IGFBP7: variants seen among roughly 807,000 people sequenced by gnomAD.
IGFBP7 encodes the protein insulin like growth factor binding protein 7.
Under a neutral mutation model 29.4 loss-of-function variants are expected in IGFBP7, and 31 were observed. That is an observed-to-expected ratio of 1.05 (90% CI 0.79 to 1.42). IGFBP7 has a LOEUF of 1.42. Among genes scored for constraint, IGFBP7 ranks in the 40% most tolerant of loss-of-function variants. IGFBP7 has a pLI of 0.00. For synonymous variants in IGFBP7, 172 were observed against 174.9 expected (o/e 0.98, Z 0.13); for missense variants, 393 against 395.5 (o/e 0.99, Z 0.05).
intron 1 of IGFBP7, among the ~76,000 whole-genome samples, chr4:57,093,620 AT>A (rs372177697): frequency 0.012 from 1,743 of 150,930 alleles, 47 homozygotes; most frequent in African/African-American, 0.039. Context: ...CACCTATTAA[AT>A]TTTTTTTTTA....
chr4:57,044,378 T>C (rs538805561), intron 1 of IGFBP7, among the ~76,000 whole-genome samples: 1 of 152,328 alleles, frequency 6.6e-6, no homozygotes, highest in Non-Finnish European at 1.5e-5. Flanking sequence ...ATTTATCAAG[T>C]TTTCTTTTCT....
intron 1 of IGFBP7, among the ~76,000 whole-genome samples, chr4:57,068,843 G>A (rs1404694443): frequency 1.3e-5 from 2 of 152,070 alleles, no homozygotes; most frequent in African/African-American, 2.4e-5. Context: ...ACTGATAGCT[G>A]GAGCATGCTT....
chr4:57,049,326 T>C (rs1454392308), intron 1 of IGFBP7, among the ~76,000 whole-genome samples: 2 of 152,192 alleles, frequency 1.3e-5, no homozygotes, highest in African/African-American at 4.8e-5. Flanking sequence ...TCCAATATCA[T>C]ATTGTACTAT....
intron 1 of IGFBP7, among the ~76,000 whole-genome samples, chr4:57,078,807 G>A (rs1725291784): frequency 6.6e-6 from 1 of 151,494 alleles, no homozygotes; most frequent in Non-Finnish European, 1.5e-5. Flanking sequence ...AGGCATTTCA[G>A]AAATGCACAT....
In IGFBP7 at chr4:57,032,420, G is replaced by A. The variant is rs1270740175; in HGVS notation, c.829+6C>T. 1 of 1,613,520 alleles carries A rather than the reference G, an allele frequency of 6.2e-7. No individual in the cohort carries two copies. On this transcript the variant is annotated splice_donor_region_variant and intron_variant, in intron 4 of 4. Coordinates refer to ENST00000295666, the MANE Select transcript of IGFBP7 (RefSeq NM_001553.3). ...TTTTTAAATGGCTGTGAGATTTATT[G>A]TGTACCTTTTTTCACTGGTATTTCA... is the stretch of plus-strand genomic sequence containing the variant.
chr4:57,047,211 G>A (rs1055368658), intron 1 of IGFBP7, among the ~76,000 whole-genome samples: 2 of 152,174 alleles, frequency 1.3e-5, no homozygotes, highest in Non-Finnish European at 2.9e-5. Flanking sequence ...TGCTGTTCTC[G>A]TAATAGCGAC....
chr4:57,096,435 A>G (rs1725766417), intron 1 of IGFBP7, among the ~76,000 whole-genome samples: 1 of 151,940 alleles, frequency 6.6e-6, no homozygotes, highest in East Asian at 1.9e-4. Flanking sequence ...CTGGGGCTGG[A>G]CATTAAGTCA....
At chr4:57,090,709 G>A (rs1017756696) in intron 1 of IGFBP7, among the ~76,000 whole-genome samples, 1 of 151,978 alleles carries the variant, frequency 6.6e-6, no homozygotes, top group Non-Finnish European at 1.5e-5. Flanking sequence ...ATAGCCAGGT[G>A]TGGTGGTGCA....
At chr4:57,105,252 CCCTT>C (rs1327125452) in intron 1 of IGFBP7, among the ~76,000 whole-genome samples, 3 of 152,216 alleles carry the variant, frequency 2.0e-5, no homozygotes, top group African/African-American at 7.2e-5. Context: ...CCGATGTACA[CCCTT>C]CACAGCATGT....
chr4:57,108,719 T>G (rs1455050724), intron 1 of IGFBP7, among the ~76,000 whole-genome samples: 1 of 151,930 alleles, frequency 6.6e-6, no homozygotes, highest in African/African-American at 2.4e-5. Flanking sequence ...TGTATATATA[T>G]ATATTTTTTA....
chr4:57,035,471 T>C (rs1724059910), intron 2 of IGFBP7, among the ~76,000 whole-genome samples: 1 of 152,198 alleles, frequency 6.6e-6, no homozygotes, highest in Admixed American at 6.5e-5. Context: ...TCTTTTTTTT[T>C]TGAGACAGAG....
rs967243537 is a variant in IGFBP7 at position 57,063,902 on chromosome 4, T to C, written c.476-22969A>G. On this transcript the variant is annotated intron_variant, in intron 1 of 4. Transcript: ENST00000295666. ...ACAGTAGCAATTTCATTTAAAAACTTAGATAAAACCCAGGAGATAAAAGAT... is the reference window on the plus strand; with the variant it reads ...ACAGTAGCAATTTCATTTAAAAACTCAGATAAAACCCAGGAGATAAAAGAT... 3.9e-5 allele frequency among the ~76,000 whole-genome samples: 6 copies of C among 152,200 alleles called. No homozygotes were observed. The South Asian group carries it at 1.2e-3, about 32-fold the overall frequency.
chr4:57,089,965 G>A (rs2109794163), intron 1 of IGFBP7, among the ~76,000 whole-genome samples: 1 of 152,326 alleles, frequency 6.6e-6, no homozygotes, highest in East Asian at 1.9e-4. Context: ...AAGGATGATA[G>A]AGCAGAAAGA....
At chr4:57,098,571 C>T (rs2109801853) in intron 1 of IGFBP7, among the ~76,000 whole-genome samples, 1 of 152,306 alleles carries the variant, frequency 6.6e-6, no homozygotes, top group South Asian at 2.1e-4. Context: ...TGATCTGAGA[C>T]ACAACAGAGC....
At chr4:57,107,364 T>A (rs1726059349) in intron 1 of IGFBP7, among the ~76,000 whole-genome samples, 1 of 152,222 alleles carries the variant, frequency 6.6e-6, no homozygotes, top group Middle Eastern at 3.2e-3. Flanking sequence ...CTTAAGTTTC[T>A]TCTGAGAATA....
chr4:57,037,179 G>A (rs577571932), intron 2 of IGFBP7, among the ~76,000 whole-genome samples: 6 of 152,290 alleles, frequency 3.9e-5, no homozygotes, highest in East Asian at 3.9e-4. Context: ...TCACTGATGG[G>A]TCATGGTCTG....
intron 1 of IGFBP7, among the ~76,000 whole-genome samples, chr4:57,042,186 A>G (rs1421929798): frequency 1.3e-5 from 2 of 152,114 alleles, no homozygotes; most frequent in Non-Finnish European, 2.9e-5. Context: ...TTCCCTACTC[A>G]GAGTCAACAC....
intron 1 of IGFBP7, among the ~76,000 whole-genome samples, chr4:57,102,585 G>A (rs889268052): frequency 2.7e-4 from 41 of 152,256 alleles, no homozygotes; most frequent in Non-Finnish European, 4.3e-4. Context: ...CTGAAGAACT[G>A]TATTAAGAGA....
At chr4:57,059,484 C>A (rs1724747095) in intron 1 of IGFBP7, among the ~76,000 whole-genome samples, 1 of 152,114 alleles carries the variant, frequency 6.6e-6, no homozygotes, top group Non-Finnish European at 1.5e-5. Context: ...CCTCAGCAAA[C>A]TAACACAGGA....
Sources: gnomAD v4.1 joint callset for allele counts (sites outside exome capture counted in the v4.1 genomes callset) on GRCh38, gnomAD v4.1.1 for gene constraint, MANE v1.5 for transcripts, NCBI Gene and HGNC (gene_info 2026-07-23, HGNC 2026-07-21) for gene names.